CSMD2: variants seen among roughly 807,000 people sequenced by gnomAD.
The protein encoded by CSMD2 is CUB and Sushi multiple domains 2.
In CSMD2, 130 loss-of-function variants were observed where a neutral mutation model predicts 398.5. The observed-to-expected ratio is 0.33, with a 90% CI of 0.28 to 0.38. CSMD2 has a LOEUF of 0.38. CSMD2 is among the 10% of genes least tolerant of loss of function. CSMD2 has a pLI of 1.00. For missense variants in CSMD2, 3,829 were observed against 4,764.9 expected (o/e 0.80, Z 5.78); for synonymous variants, 1,828 against 1,908.5 (o/e 0.96, Z 1.10).
Position 33,572,593 on chromosome 1 carries a change from A to G in CSMD2, c.7675T>C (p.Tyr2559His). ...TKAMYSCSEG[Y>H]HLQAGAEATA... ...GCCTCAGCGCCTGCCTGGAGGTGGT[A>G]GCCTTCACTGCAGCTGTACATGGCC... is the stretch of plus-strand genomic sequence containing the variant. Residue 2559 changes from tyrosine to histidine, a missense_variant, in exon 50 of 71, where the codon TAC becomes CAC. Coordinates refer to ENST00000373381, the MANE Select transcript of CSMD2 (RefSeq NM_001281956.2). The G allele has an allele frequency of 6.2e-7, 1 of 1,614,094 alleles. No homozygotes were observed. Among genetic ancestry groups the G allele is most frequent in the Non-Finnish European group, 8.5e-7 (1 of 1,179,974 alleles).
upstream of CSMD2, chr1:34,165,607 C>A: frequency 2.7e-6 from 2 of 754,282 alleles, no homozygotes; most frequent in Non-Finnish European, 4.6e-6. Flanking sequence ...CAAACACACA[C>A]ACACACACAC....
chr1:33,728,250 C>T (rs1380445870), intron 15 of CSMD2, among the ~76,000 whole-genome samples: 1 of 152,134 alleles, frequency 6.6e-6, no homozygotes, highest in Non-Finnish European at 1.5e-5. Flanking sequence ...TAAAGAGCTA[C>T]ATAGCACTTC....
intron 6 of CSMD2, among the ~76,000 whole-genome samples, chr1:33,831,036 T>C (rs1659489529): frequency 1.3e-5 from 2 of 152,308 alleles, no homozygotes; most frequent in East Asian, 1.9e-4. Context: ...TACGTCTGAT[T>C]GGTGTACCTG....
Position 34,161,550 on chromosome 1 carries a change from G to A in CSMD2, c.187+3361C>T, listed in dbSNP as rs141389673. 3.9e-3 allele frequency among the ~76,000 whole-genome samples: 587 copies of A among 152,290 alleles called. 4 individuals carry two copies. The highest frequency in any genetic ancestry group is 0.013 in the African/African-American group (560 of 41,542). On this transcript the variant is annotated intron_variant, in intron 1 of 70. Transcript: ENST00000373381. ...AAAATCAGTAAAACATAGTGTCCCAGAAGCCCAAGGAAGAGAAATTCATCC... is the reference window on the plus strand; with the variant it reads ...AAAATCAGTAAAACATAGTGTCCCAAAAGCCCAAGGAAGAGAAATTCATCC...
At chr1:34,026,491 G>A (rs1340081858) in intron 3 of CSMD2, among the ~76,000 whole-genome samples, 2 of 152,196 alleles carry the variant, frequency 1.3e-5, no homozygotes, top group Admixed American at 1.3e-4. Flanking sequence ...TTGAGAGCTA[G>A]AGTATTAAGT....
intron 4 of CSMD2, among the ~76,000 whole-genome samples, chr1:33,923,956 CCTAA>C (rs1644036116): frequency 6.6e-6 from 1 of 152,168 alleles, no homozygotes; most frequent in South Asian, 2.1e-4. Context: ...GGACCACTGA[CCTAA>C]CTGTGTATTT....
At chr1:34,094,195 G>A (rs1658990990) in intron 1 of CSMD2, among the ~76,000 whole-genome samples, 1 of 151,128 alleles carries the variant, frequency 6.6e-6, no homozygotes, top group African/African-American at 2.4e-5. Context: ...ATACTTTACA[G>A]ACAAGCAAAT....
At chr1:34,053,711 T>G (rs543397271) in intron 2 of CSMD2, among the ~76,000 whole-genome samples, 112 of 152,306 alleles carry the variant, frequency 7.4e-4, no homozygotes, top group Non-Finnish European at 1.1e-3. Context: ...CTCTGCAAAG[T>G]GCACTATTAT....
chr1:33,720,856 G>A (rs1016957516), intron 19 of CSMD2, among the ~76,000 whole-genome samples: 3 of 151,918 alleles, frequency 2.0e-5, no homozygotes, highest in Non-Finnish European at 4.4e-5. Context: ...TGCCACCCCC[G>A]CCAAATAATT....
intron 29 of CSMD2, among the ~76,000 whole-genome samples, chr1:33,644,464 T>G (rs1022070128): frequency 6.6e-6 from 1 of 152,054 alleles, no homozygotes; most frequent in Non-Finnish European, 1.5e-5. Context: ...CTCAGTTGGG[T>G]CAAGTCGGAG....
intron 5 of CSMD2, chr1:33,863,048 G>T (rs183369462): frequency 6.6e-6 from 1 of 152,172 alleles, no homozygotes; most frequent in African/African-American, 2.4e-5. Context: ...GCAATCAGCC[G>T]TCAAAATCCA....
At chr1:33,608,910 A>T (rs1640814327) in intron 41 of CSMD2, among the ~76,000 whole-genome samples, 1 of 152,178 alleles carries the variant, frequency 6.6e-6, no homozygotes, top group South Asian at 2.1e-4. Flanking sequence ...AAACTAAGAC[A>T]CAGGAAAGCC....
At position 33,724,672 on chromosome 1, in the gene CSMD2, G is replaced by C. The variant is rs572292740; in HGVS notation, c.2728C>G (p.Pro910Ala). 7.4e-6 allele frequency: 12 copies of C among 1,614,154 alleles called. No individual in the cohort carries two copies. Among genetic ancestry groups the C allele is most frequent in the South Asian group, 1.1e-5 (1 of 91,074 alleles). The change falls in exon 18 of 71, where the codon CCA becomes GCA. Residue 910 changes from proline (P) to alanine (A), a missense_variant. By Grantham distance (27) the Pro-to-Ala change is conservative (BLOSUM62 -1). Transcript: ENST00000373381. The stretch of plus-strand genomic sequence containing the variant: ...CGCTGTCCATTTACTGGGATTCCTG[G>C]ATCCAGACAGTGGTCTGACTGCAGT... The part of the protein sequence containing the change: ...ITLQSDHCLD[P>A]GIPVNGQRHG...
At chr1:33,876,828 T>A (rs1261063315) in intron 5 of CSMD2, among the ~76,000 whole-genome samples, 1 of 152,172 alleles carries the variant, frequency 6.6e-6, no homozygotes, top group Non-Finnish European at 1.5e-5. Context: ...GGCCCCAGAC[T>A]TTTGCTTGTG....
At chr1:33,590,980 T>C (rs1570853519) in intron 44 of CSMD2, among the ~76,000 whole-genome samples, 1 of 130,280 alleles carries the variant, frequency 7.7e-6, no homozygotes, top group African/African-American at 2.8e-5. Context: ...CTTTTATTTA[T>C]CTTTTTTTTT....
intron 6 of CSMD2, among the ~76,000 whole-genome samples, chr1:33,834,187 C>T (rs1269914117): frequency 9.8e-6 from 1 of 101,606 alleles, no homozygotes; most frequent in Non-Finnish European, 1.8e-5. Flanking sequence ...GAGCCCGCAT[C>T]GCCAAATCAA....
intron 28 of CSMD2, among the ~76,000 whole-genome samples, chr1:33,651,292 G>A (rs1643741134): frequency 6.6e-6 from 1 of 152,206 alleles, no homozygotes; most frequent in South Asian, 2.1e-4. Context: ...CTTGGTTGCT[G>A]CTAGTGGAAG....
intron 14 of CSMD2, among the ~76,000 whole-genome samples, chr1:33,739,581 ATAAGCT>A (rs1327007892): frequency 5.3e-5 from 8 of 152,226 alleles, no homozygotes; most frequent in African/African-American, 1.9e-4. Flanking sequence ...AGATCAGGCA[ATAAGCT>A]AAGTGTTTCT....
At chr1:34,079,769 T>C (rs1008579787) in intron 2 of CSMD2, among the ~76,000 whole-genome samples, 1 of 152,138 alleles carries the variant, frequency 6.6e-6, no homozygotes, top group Non-Finnish European at 1.5e-5. Context: ...GAAGCAACTT[T>C]AAGCACTAAT....
Sources: gnomAD v4.1 joint callset for allele counts (sites outside exome capture counted in the v4.1 genomes callset) on GRCh38, gnomAD v4.1.1 for gene constraint, MANE v1.5 for transcripts, NCBI Gene and HGNC (gene_info 2026-07-23, HGNC 2026-07-21) for gene names.